The following LPCAT3 variants were observed in gnomAD, a reference collection of about 807,000 sequenced individuals.
LPCAT3 encodes the protein lysophospholipid acyltransferase 5.
LPCAT3 carries 21 observed loss-of-function variants against 63.4 expected under a neutral mutation model. The observed-to-expected ratio is 0.33, with a 90% CI of 0.23 to 0.48. The LOEUF (loss-of-function observed/expected upper bound fraction) is 0.48. LPCAT3 is among the 20% of genes least tolerant of loss of function. The pLI is 0.99. For missense variants in LPCAT3, 451 were observed against 590.6 expected, an observed-to-expected ratio of 0.76 and a Z score of 2.45; for synonymous variants, 242 against 227.5, an observed-to-expected ratio of 1.06 and a Z score of -0.58.
intron 5 of LPCAT3, 110 bp from the exon 6 acceptor site, chr12:6,981,292 C>A: frequency 1.1e-6 from 1 of 884,372 alleles, no homozygotes; most frequent in Non-Finnish European, 1.7e-6. Context: ...CTTCAAATAG[C>A]CTTCTCTTTG....
chr12:6,994,763 C>T (rs1946622706), intron 1 of LPCAT3, among the ~76,000 whole-genome samples: 1 of 152,202 alleles, frequency 6.6e-6, no homozygotes, highest in South Asian at 2.1e-4. Flanking sequence ...CCAATGTTCA[C>T]TCTTACTTTC....
Position 6,983,435 on chromosome 12 carries a change from A to G in LPCAT3, c.256T>C (p.Phe86Leu). 1 of 1,595,720 alleles carries G rather than the reference A, an allele frequency of 6.3e-7. No homozygotes were observed. The highest frequency in any genetic ancestry group is 8.6e-7 in the Non-Finnish European group (1 of 1,164,578). The change falls in exon 2 of 13, where the codon TTT (phenylalanine) becomes CTT (leucine). Residue 86 changes from phenylalanine (F) to leucine (L), a missense_variant. Physicochemically the swap from Phe to Leu is conservative, Grantham distance 22. Coordinates refer to ENST00000261407, the MANE Select transcript of LPCAT3 (RefSeq NM_005768.6). ...ACTGCTAATTTAGTTTACTCACCAA[A>G]GTTAAAATAAGCAATTGAGAGGCCT... Reference protein sequence around the residue: ...FTGLSIAYFNFGNQLYHSLLC... With the variant: ...FTGLSIAYFNLGNQLYHSLLC...
intron 1 of LPCAT3, among the ~76,000 whole-genome samples, chr12:6,994,237 T>C (rs1555155831): frequency 6.6e-6 from 1 of 152,168 alleles, no homozygotes; most frequent in East Asian, 1.9e-4. Flanking sequence ...GGACAGAGTC[T>C]CTCTGTGTTG....
intron 1 of LPCAT3, among the ~76,000 whole-genome samples, chr12:6,990,929 A>G (rs1330740211): frequency 6.6e-6 from 1 of 151,518 alleles, no homozygotes; most frequent in Non-Finnish European, 1.5e-5. Flanking sequence ...AAAAAAAAAA[A>G]AAAGGAAGAA....
intron 1 of LPCAT3, among the ~76,000 whole-genome samples, chr12:6,986,545 G>A (rs1442174594): frequency 6.6e-6 from 1 of 151,988 alleles, no homozygotes; most frequent in Non-Finnish European, 1.5e-5. Flanking sequence ...AGCACTTTGG[G>A]AGGCTGAAGC....
rs782263726 is a variant in LPCAT3, at chr12:6,981,580, T to G, written c.498+15A>C. On this transcript the variant is annotated intron_variant, in intron 5 of 12. Transcript: ENST00000261407. ...ATTAAGTCTTGAACCTCTCTGCCGATGAATGGGTACTTACCTGATCTTTCC... is the reference window on the plus strand; with the variant it reads ...ATTAAGTCTTGAACCTCTCTGCCGAGGAATGGGTACTTACCTGATCTTTCC... 3.1e-6 allele frequency: 5 copies of G among 1,613,600 alleles called. No individual in the cohort carries two copies. In the Admixed American group the frequency reaches 5.0e-5, roughly 16 times the overall value.
chr12:7,005,225 C>A (rs947498986), intron 1 of LPCAT3, among the ~76,000 whole-genome samples: 1 of 152,142 alleles, frequency 6.6e-6, no homozygotes, highest in Non-Finnish European at 1.5e-5. Flanking sequence ...TGTTTCATGT[C>A]ACAATTTTTC....
intron 2 of LPCAT3, chr12:6,983,186 T>C: frequency 2.2e-6 from 1 of 460,120 alleles, no homozygotes. Context: ...ACAGAGAAAC[T>C]GAGGATTCTT....
At chr12:6,985,505 G>A (rs1168420471) in intron 1 of LPCAT3, among the ~76,000 whole-genome samples, 1 of 151,718 alleles carries the variant, frequency 6.6e-6, no homozygotes, top group African/African-American at 2.4e-5. Context: ...CTTGAGATCC[G>A]GAGTTTGAGA....
In LPCAT3 at chr12:6,979,489, G is replaced by GAGAT; in HGVS notation, c.764_767dup (p.Leu257SerfsTer4). On this transcript the variant is annotated frameshift_variant, in exon 7 of 13. Coordinates refer to ENST00000261407, the MANE Select transcript of LPCAT3 (RefSeq NM_005768.6). LOFTEE classifies it high-confidence loss of function. The stretch of plus-strand genomic sequence containing the variant: ...CACTCACGTCATAGTCTTCAGTGAG[G>GAGAT]AGATAGTCTTCTGTGATGTGGGGGC... 6.2e-7 allele frequency: 1 copy of GAGAT among 1,612,778 alleles called. No individual in the cohort carries two copies. The highest frequency in any genetic ancestry group is 8.5e-7 in the Non-Finnish European group (1 of 1,178,720).
chr12:7,007,163 C>T (rs56763321), intron 1 of LPCAT3, among the ~76,000 whole-genome samples: 2 of 151,942 alleles, frequency 1.3e-5, no homozygotes, highest in African/African-American at 2.4e-5. Flanking sequence ...CCTGCCTCAG[C>T]CTCCCAAGTT....
intron 1 of LPCAT3, among the ~76,000 whole-genome samples, chr12:7,015,803 AATGAGAGAAG>A (rs1181091851): frequency 3.9e-4 from 59 of 152,310 alleles, no homozygotes; most frequent in African/African-American, 1.3e-3. Context: ...GATTGGTGGT[AATGAGAGAAG>A]ATGAGAGAAG....
intron 1 of LPCAT3, among the ~76,000 whole-genome samples, chr12:7,010,202 A>G (rs1416586320): frequency 1.3e-5 from 2 of 152,166 alleles, no homozygotes; most frequent in African/African-American, 4.8e-5. Flanking sequence ...GTTAAAGAGG[A>G]CTACTTGCTG....
intron 1 of LPCAT3, among the ~76,000 whole-genome samples, chr12:6,984,486 G>T (rs1667502173): frequency 6.6e-6 from 1 of 152,222 alleles, no homozygotes; most frequent in South Asian, 2.1e-4. Flanking sequence ...TGTGGAGGAT[G>T]GGGATCTCTC....
At chr12:6,996,831 C>T (rs1231113285) in intron 1 of LPCAT3, among the ~76,000 whole-genome samples, 1 of 152,136 alleles carries the variant, frequency 6.6e-6, no homozygotes, top group Non-Finnish European at 1.5e-5. Flanking sequence ...AGAAGTAGTT[C>T]TTGAACAGAG....
rs985050562 is a variant in LPCAT3 at position 6,987,290 on chromosome 12, T to C, written c.152-3751A>G. On this transcript the variant is annotated intron_variant, in intron 1 of 12. Coordinates refer to ENST00000261407, the MANE Select transcript of LPCAT3 (RefSeq NM_005768.6). This position sits in a 1 kb window ranked among gnomAD's most constrained non-coding sequence, Gnocchi z 4.1. ...AATGCCTGCTATATGCCAGGTATTC[T>C]GTTTATGAAGCACGTAATTGGGTAG... Among the ~76,000 whole-genome samples the C allele has an allele frequency of 6.6e-6, 1 of 152,206 alleles. No homozygotes were observed. Among genetic ancestry groups the C allele is most frequent in the African/African-American group, 2.4e-5 (1 of 41,462 alleles).
At chr12:6,991,110 C>T (rs1191918452) in intron 1 of LPCAT3, among the ~76,000 whole-genome samples, 6 of 152,106 alleles carry the variant, frequency 3.9e-5, no homozygotes, top group African/African-American at 1.2e-4. Flanking sequence ...CACTGTTTTA[C>T]ATTTTCATAA....
Position 6,976,750 on chromosome 12 carries a change from A to G in LPCAT3, c.*154T>C, listed in dbSNP as rs1245566356. On this transcript the variant is annotated 3_prime_UTR_variant, in exon 13 of 13. Transcript: ENST00000261407. The stretch of plus-strand genomic sequence containing the variant: ...AAAAAAAGTTTCCCCTTTGGCCCCA[A>G]ATGAAGACTTGGCTGGCAGCAGAGG... 2 of 163,534 alleles carry G rather than the reference A, an allele frequency of 1.2e-5. No homozygotes were observed. The highest frequency in any genetic ancestry group is 2.7e-5 in the Non-Finnish European group (2 of 74,760). The allele number at this position is 163,534 out of a possible 1,614,324, so 10.1% of individuals were successfully genotyped here. A position where few individuals can be genotyped will look rare whatever the true frequency, so the allele number is the denominator to read the frequency against.
chr12:7,009,013 A>G (rs1231367762), intron 1 of LPCAT3, among the ~76,000 whole-genome samples: 1 of 152,216 alleles, frequency 6.6e-6, no homozygotes, highest in Non-Finnish European at 1.5e-5. Flanking sequence ...CAGGCCTACA[A>G]ATGGGAAAAA....
Sources: allele counts gnomAD v4.1 joint callset (sites outside exome capture counted in the v4.1 genomes callset), GRCh38; gene constraint gnomAD v4.1.1; non-coding constraint Gnocchi (gnomAD v3.1); transcripts MANE v1.5; gene names NCBI Gene and HGNC (gene_info 2026-07-23, HGNC 2026-07-21).